ATG2A: variants seen among roughly 807,000 people sequenced by gnomAD.
The protein encoded by ATG2A is autophagy related 2A.
In ATG2A, 103 loss-of-function variants were observed where a neutral mutation model predicts 214.2. The observed-to-expected ratio is 0.48, with a 90% CI of 0.41 to 0.57. ATG2A has a LOEUF of 0.57. Ranked by LOEUF, ATG2A falls within the 20% of genes least tolerant of loss-of-function variation. ATG2A has a pLI of 0.00. For missense variants in ATG2A, 2,312 were observed against 2,613.2 expected, an observed-to-expected ratio of 0.88 and a Z score of 2.51; for synonymous variants, 1,160 against 1,142.1, an observed-to-expected ratio of 1.02 and a Z score of -0.32.
Position 64,897,434 on chromosome 11 carries a change from T to C in ATG2A, c.5128A>G (p.Lys1710Glu). The change falls in exon 37 of 41, where the codon AAG becomes GAG. Residue 1710 changes from lysine to glutamate, a missense_variant. Lys to Glu is a moderately conservative substitution (Grantham distance 56). Transcript: ENST00000377264. ...CACCCGTGCCTGCAACAGAGCCGCT[T>C]TAGCTTCAGCTCGGAGCAGTTGAGT... ...AQLNCSELKL[K>E]RLCCRHGLLG... 6.4e-7 allele frequency: 1 copy of C among 1,570,158 alleles called. No individual in the cohort carries two copies. The highest frequency in any genetic ancestry group is 8.6e-7 in the Non-Finnish European group (1 of 1,157,352).
chr11:64,901,761 T>G (rs974345851), intron 29 of ATG2A, among the ~76,000 whole-genome samples: 4 of 151,856 alleles, frequency 2.6e-5, no homozygotes, highest in African/African-American at 4.8e-5. Flanking sequence ...ATCCCCCTAC[T>G]CCATCAAAGC....
intron 13 of ATG2A, 23 bp downstream of exon 13, chr11:64,910,017 T>A (rs1296104711): frequency 6.4e-7 from 1 of 1,559,766 alleles, no homozygotes; most frequent in African/African-American, 1.4e-5. Flanking sequence ...ACCCCCGGCC[T>A]GGCCCTGGCA....
chr11:64,907,801 G>A lies in ATG2A; in HGVS notation c.2454C>T (p.Pro818=). The A allele has an allele frequency of 6.2e-7, 1 of 1,613,578 alleles. No homozygotes were observed. Among genetic ancestry groups the A allele is most frequent in the Non-Finnish European group, 8.5e-7 (1 of 1,179,996 alleles). ...LSRCSLEVIL[P]SVHIFLPSKE... is the part of the protein sequence containing the mutation. ...TGCTGGGCAGAAAGATGTGGACACT[G>A]GGCAGGATCACTTCCAGGCTGCAGC... Residue 818 remains proline, a synonymous_variant, in exon 17 of 41, where the codon CCC becomes CCT. Transcript: ENST00000377264.
At chr11:64,910,519 A>C in intron 12 of ATG2A, 97 bp downstream of exon 12, 1 of 1,363,116 alleles carries the variant, frequency 7.3e-7, no homozygotes, top group East Asian at 2.5e-5. Context: ...ACAGGGGAAG[A>C]GGGACAGGGC....
chr11:64,903,727 C>A lies in ATG2A; in HGVS notation c.3465-67G>T, dbSNP rs945116226. 7 of 1,460,394 alleles carry A rather than the reference C, an allele frequency of 4.8e-6. No individual in the cohort carries two copies. The highest frequency in any genetic ancestry group is 1.4e-5 in the African/African-American group (1 of 71,094). 90.5% of individuals were successfully genotyped at this position (1,460,394 alleles called of 1,614,324 possible). A position where few individuals can be genotyped will look rare whatever the true frequency, so the allele number is the denominator to read the frequency against. On this transcript the variant is annotated intron_variant, in intron 24 of 40. Coordinates refer to ENST00000377264, the MANE Select transcript of ATG2A (RefSeq NM_015104.3). This position sits in a 1 kb window ranked among gnomAD's most constrained non-coding sequence, Gnocchi z 4.2. ...AGGGGGCAGCTCCACGGGAGCCGAG[C>A]AGAGGGGTCCCAAGCCCACAGGAGG...
chr11:64,910,138 C>T lies in ATG2A; in HGVS notation c.1765G>A (p.Ala589Thr), dbSNP rs866240437. 6.2e-7 allele frequency: 1 copy of T among 1,611,792 alleles called. No homozygotes were observed. Among genetic ancestry groups the T allele is most frequent in the Non-Finnish European group, 8.5e-7 (1 of 1,179,564 alleles). ...AGCTCCACGTCCGCCTGGAAGTTGG[C>T]CAGGTCCAGGGCCAGTTCTGAGTGG... The part of the protein sequence containing the change: ...HCHSELALDL[A>T]NFQADVELGA... Residue 589 changes from alanine (A) to threonine (T), a missense_variant, in exon 13 of 41, where the codon GCC (alanine) becomes ACC (threonine). Coordinates refer to ENST00000377264, the MANE Select transcript of ATG2A (RefSeq NM_015104.3).
chr11:64,898,498 G>T lies in ATG2A; in HGVS notation c.4672-136C>A. ...CTTCGCTAACACAGCCCCTAGCTCT[G>T]CCCTTCTCCCAGGCTCACAAACAAC... On this transcript the variant is annotated intron_variant, in intron 32 of 40. Coordinates refer to ENST00000377264, the MANE Select transcript of ATG2A (RefSeq NM_015104.3). The surrounding 1 kb of genome is among the most constrained non-coding windows in gnomAD (Gnocchi z 4.5). The T allele has an allele frequency of 7.5e-7, 1 of 1,329,108 alleles. No individual in the cohort carries two copies. Among genetic ancestry groups the T allele is most frequent in the Non-Finnish European group, 1.0e-6 (1 of 958,754 alleles). The allele number at this position is 1,329,108 out of a possible 1,614,324, so 82.3% of individuals were successfully genotyped here.
intron 9 of ATG2A, 24 bp downstream of exon 9, chr11:64,911,818 T>G (rs760755335): frequency 1.2e-6 from 2 of 1,611,454 alleles, no homozygotes; most frequent in Non-Finnish European, 1.7e-6. Flanking sequence ...GTCCCTGGAG[T>G]ACCCCCAGGG....
chr11:64,901,049 G>A lies in ATG2A; in HGVS notation c.4163C>T (p.Pro1388Leu), dbSNP rs1421877809. The A allele has an allele frequency of 3.8e-6, 6 of 1,583,358 alleles. No individual in the cohort carries two copies. The East Asian group carries it at 7.0e-5, about 18-fold the overall frequency. Residue 1388 changes from proline to leucine, a missense_variant, in exon 30 of 41, where the codon CCC becomes CTC. Coordinates refer to ENST00000377264, the MANE Select transcript of ATG2A (RefSeq NM_015104.3). ...GAAGTAACCGTCCCTCACAACGATG[G>A]GGCCGGGATGCAGCTGTGTCACCAC... The part of the protein sequence containing the change: ...EPVVTQLHPG[P>L]IVVRDGYFSR...
At chr11:64,912,612 A>G in intron 6 of ATG2A, 189 bp from the exon 7 acceptor site, 1 of 576,782 alleles carries the variant, frequency 1.7e-6, no homozygotes, top group Non-Finnish European at 3.0e-6. Flanking sequence ...CTTCTTTTTG[A>G]GATGGAGTTT....
In ATG2A at chr11:64,913,685, C is replaced by G; in HGVS notation, c.590+136G>C. 3 of 941,762 alleles carry G rather than the reference C, an allele frequency of 3.2e-6. No individual in the cohort carries two copies. The highest frequency in any genetic ancestry group is 4.8e-6 in the Non-Finnish European group (3 of 622,260). 58.3% of individuals were successfully genotyped at this position (941,762 alleles called of 1,614,324 possible). On this transcript the variant is annotated intron_variant, in intron 4 of 40. Transcript: ENST00000377264. The surrounding 1 kb of genome is among the most constrained non-coding windows in gnomAD (Gnocchi z 4.3). ...CCGGGCTCACGATGCAGCCCACCTC[C>G]CCAACCCTACCACCACCGAGGCCCA...
In ATG2A at chr11:64,909,306, G is replaced by T. The variant is rs755817026; in HGVS notation, c.2169C>A (p.Asp723Glu). Reference protein sequence around the residue: ...VPCLRVSKALDPKSTGRKYFL... With the variant: ...VPCLRVSKALEPKSTGRKYFL... Reference sequence around the variant, plus strand: ...AGTACTTGCGCCCAGTGCTCTTGGGGTCCAGGGCTTTGGAGACACGCAGGC... The same window carrying T: ...AGTACTTGCGCCCAGTGCTCTTGGGTTCCAGGGCTTTGGAGACACGCAGGC... Residue 723 changes from aspartate to glutamate, a missense_variant, in exon 15 of 41, where the codon GAC becomes GAA. Asp to Glu is a conservative substitution (Grantham distance 45). Coordinates refer to ENST00000377264, the MANE Select transcript of ATG2A (RefSeq NM_015104.3). The T allele has an allele frequency of 2.5e-6, 4 of 1,613,710 alleles. No homozygotes were observed. Among genetic ancestry groups the T allele is most frequent in the Non-Finnish European group, 2.5e-6 (3 of 1,179,994 alleles).
At position 64,916,946 on chromosome 11, in the gene ATG2A, C is replaced by T; in HGVS notation, c.171+19G>A. 1 of 1,612,104 alleles carries T rather than the reference C, an allele frequency of 6.2e-7. No homozygotes were observed. The highest frequency in any genetic ancestry group is 1.3e-5 in the African/African-American group (1 of 75,048). On this transcript the variant is annotated intron_variant, in intron 1 of 40. Transcript: ENST00000377264. ...CTCCCACCCTCCGCACCTTCCTGGA[C>T]TCGGGCCTGGCTCCTCACCCAGATT...
intron 24 of ATG2A, among the ~76,000 whole-genome samples, chr11:64,904,243 C>T (rs2136578194): frequency 1.3e-5 from 2 of 150,572 alleles, no homozygotes; most frequent in South Asian, 4.2e-4. Flanking sequence ...GAGACTCCAT[C>T]TCAAAAAGAA....
rs1174175841 is a variant in ATG2A at position 64,910,919 on chromosome 11, A to G, written c.1502T>C (p.Leu501Pro). The G allele has an allele frequency of 5.1e-5, 83 of 1,612,972 alleles. No homozygotes were observed. The highest frequency in any genetic ancestry group is 6.9e-5 in the Non-Finnish European group (82 of 1,179,954). The change falls in exon 11 of 41, where the codon CTG (leucine) becomes CCG (proline). Residue 501 changes from leucine (L) to proline (P), a missense_variant. Leu to Pro is a moderately conservative substitution (Grantham distance 98). Coordinates refer to ENST00000377264, the MANE Select transcript of ATG2A (RefSeq NM_015104.3). ...TGTAVQLSWELRTGSRGRRTT... is the reference protein window; with the variant it reads ...TGTAVQLSWEPRTGSRGRRTT... Reference sequence around the variant, plus strand: ...CCGCCGGCCCCGACTGCCCGTCCGCAGCTCCCAGGACAGCTGCACGGCTGT... The same window carrying G: ...CCGCCGGCCCCGACTGCCCGTCCGCGGCTCCCAGGACAGCTGCACGGCTGT...
In ATG2A at chr11:64,898,813, C is replaced by T. The variant is rs754795920; in HGVS notation, c.4494G>A (p.Ala1498=). 32 of 1,612,230 alleles carry T rather than the reference C, an allele frequency of 2.0e-5. No individual in the cohort carries two copies. The highest frequency in any genetic ancestry group is 2.5e-5 in the Non-Finnish European group (30 of 1,179,950). Residue 1498 remains alanine, a synonymous_variant, in exon 32 of 41, where the codon GCG becomes GCA. Transcript: ENST00000377264. The surrounding 1 kb of genome is among the most constrained non-coding windows in gnomAD (Gnocchi z 4.5). ...KVSFQHEVYP[A]EPATGPAAPS... is the part of the protein sequence containing the mutation. ...GGGCCGCAGGGCCTGTGGCTGGCTC[C>T]GCTGGGTACACCTCGTGCTGGAAGC...
At chr11:64,906,957 G>A in intron 19 of ATG2A, 142 bp from the exon 20 acceptor site, 2 of 1,105,298 alleles carry the variant, frequency 1.8e-6, no homozygotes, top group Non-Finnish European at 1.3e-6. Flanking sequence ...GCCCTGGATG[G>A]CACTTGCCTC....
At chr11:64,896,708 G>A in intron 38 of ATG2A, 40 bp downstream of exon 38, 3 of 1,611,784 alleles carry the variant, frequency 1.9e-6, no homozygotes, top group Non-Finnish European at 2.5e-6. Context: ...TTGCCCAAGG[G>A]TAAAAGCAGT....
chr11:64,897,841 G>T lies in ATG2A; in HGVS notation c.4992C>A (p.Phe1664Leu). The change falls in exon 35 of 41, where the codon TTC becomes TTA. Residue 1664 changes from phenylalanine (F) to leucine (L), a missense_variant and splice_region_variant. Transcript: ENST00000377264. ...CCACCCGCAGTCCAGCAGCCTACCT[G>T]AAGTAGATGGGCTGCTGGTCAGGAG... is the stretch of plus-strand genomic sequence containing the variant. ...PSPPDQQPIY[F>L]REFRFTSEVP... is the part of the protein sequence containing the mutation. The T allele has an allele frequency of 6.2e-7, 1 of 1,608,860 alleles. No homozygotes were observed. The highest frequency in any genetic ancestry group is 1.7e-5 in the Admixed American group (1 of 59,736).
Sources: gnomAD v4.1 joint callset for allele counts (sites outside exome capture counted in the v4.1 genomes callset) on GRCh38, gnomAD v4.1.1 for gene constraint, Gnocchi (gnomAD v3.1) non-coding constraint, MANE v1.5 for transcripts, NCBI Gene and HGNC (gene_info 2026-07-23, HGNC 2026-07-21) for gene names.